Variants in TGFBRAP1 observed in about 807,000 individuals in gnomAD.
TGFBRAP1 encodes transforming growth factor beta receptor associated protein 1, also known as transforming growth factor-beta receptor-associated protein 1.
TGFBRAP1 carries 20 observed loss-of-function variants against 83.2 expected under a neutral mutation model. That is an observed-to-expected ratio of 0.24 (90% CI 0.17 to 0.35). The LOEUF is 0.35. Ranked by LOEUF, TGFBRAP1 falls within the 10% of genes least tolerant of loss-of-function variation. The probability of loss-of-function intolerance (pLI) is 1.00; values close to 1 mark genes in which losing one functional copy is unlikely to be tolerated. For synonymous variants in TGFBRAP1, 415 were observed against 459.8 expected (o/e 0.90, Z 1.25); for missense variants, 950 against 1,099.4 (o/e 0.86, Z 1.92).
chr2:105,310,204 T>C (rs1447689189), intron 1 of TGFBRAP1, among the ~76,000 whole-genome samples: 2 of 152,156 alleles, frequency 1.3e-5, no homozygotes, highest in Non-Finnish European at 1.5e-5. Flanking sequence ...TGACCTCATA[T>C]AAAATGCGGA....
At position 105,308,053 on chromosome 2, in the gene TGFBRAP1, A is replaced by G. The variant is rs2241801; in HGVS notation, c.249T>C (p.Arg83=). The change falls in exon 2 of 12, where the codon CGT becomes CGC. Residue 83 remains arginine, a synonymous_variant. Coordinates refer to ENST00000393359, the MANE Select transcript of TGFBRAP1 (RefSeq NM_004257.6). ...LGFKKPVNEL[R]AASALNRLLV... ...GCAGCCTGTTGAGTGCTGAGGCCGC[A>G]CGCAGCTCGTTCACGGGCTTCTTGA... 833,452 of 1,613,588 alleles carry G rather than the reference A, an allele frequency of 0.52. 219,168 individuals are homozygous for G. The highest frequency in any genetic ancestry group is 0.71 in the East Asian group (31,808 of 44,822).
At chr2:105,312,480 T>C (rs1018586736) in intron 1 of TGFBRAP1, among the ~76,000 whole-genome samples, 2 of 152,174 alleles carry the variant, frequency 1.3e-5, no homozygotes, top group African/African-American at 4.8e-5. Flanking sequence ...ACCTTGCATA[T>C]GCAGCAAGCA....
Position 105,266,518 on chromosome 2 carries a change from C to T in TGFBRAP1, c.*865G>A, listed in dbSNP as rs1199893583. 6.6e-6 allele frequency: 1 copy of T among 152,194 alleles called. No homozygotes were observed. Among genetic ancestry groups the T allele is most frequent in the African/African-American group, 2.4e-5 (1 of 41,442 alleles). The allele number at this position is 152,194 out of a possible 1,614,324, so 9.4% of individuals were successfully genotyped here. Reference sequence around the variant, plus strand: ...ATTTAAATAAAAATGTTTAGTTCAACGTGTTCGTCATGGAGTTTCAAATCA... The same window carrying T: ...ATTTAAATAAAAATGTTTAGTTCAATGTGTTCGTCATGGAGTTTCAAATCA... On this transcript the variant is annotated 3_prime_UTR_variant, in exon 12 of 12. Transcript: ENST00000393359.
intron 2 of TGFBRAP1, among the ~76,000 whole-genome samples, chr2:105,300,978 C>T (rs1316558462): frequency 6.6e-6 from 1 of 152,034 alleles, no homozygotes; most frequent in Admixed American, 6.6e-5. Context: ...AACCTCAACA[C>T]TTTGGGAGGC....
chr2:105,298,042 C>T (rs181375377), intron 3 of TGFBRAP1, among the ~76,000 whole-genome samples: 1 of 152,302 alleles, frequency 6.6e-6, no homozygotes, highest in African/African-American at 2.4e-5. Context: ...GCTGCAGCCT[C>T]AGCTCACGCT....
chr2:105,308,709 T>C (rs1035068634), intron 1 of TGFBRAP1, among the ~76,000 whole-genome samples: 3 of 151,884 alleles, frequency 2.0e-5, no homozygotes, highest in African/African-American at 7.3e-5. Flanking sequence ...GGCAGGAGGA[T>C]GGCTTGACCC....
chr2:105,294,114 A>C (rs1678003060), intron 4 of TGFBRAP1, among the ~76,000 whole-genome samples: 2 of 152,298 alleles, frequency 1.3e-5, no homozygotes, highest in South Asian at 4.1e-4. Context: ...CTGATCTGCC[A>C]TGTCTTGTCT....
chr2:105,262,411 C>T (rs1398887613), downstream of TGFBRAP1, among the ~76,000 whole-genome samples: 3 of 152,206 alleles, frequency 2.0e-5, no homozygotes, highest in African/African-American at 7.2e-5. Flanking sequence ...TCTGCTCCCC[C>T]TTGGCCTCCC....
intron 7 of TGFBRAP1, among the ~76,000 whole-genome samples, chr2:105,276,153 G>T (rs1458434444): frequency 6.6e-6 from 1 of 152,186 alleles, no homozygotes; most frequent in Admixed American, 6.5e-5. Flanking sequence ...GTGATAGGCA[G>T]ATGTTGTGCT....
In TGFBRAP1 at chr2:105,269,746, C is replaced by G; in HGVS notation, c.1973-41G>C. ...TGCAGCTCAGAAAGAAAGGGGCTCG[C>G]CGGCCACCCGCCCAGCGACTGGCCT... On this transcript the variant is annotated intron_variant, in intron 10 of 11. Coordinates refer to ENST00000393359, the MANE Select transcript of TGFBRAP1 (RefSeq NM_004257.6). This position sits in a 1 kb window ranked among gnomAD's most constrained non-coding sequence, Gnocchi z 4.1. The G allele has an allele frequency of 6.9e-7, 1 of 1,456,930 alleles. No individual in the cohort carries two copies. Among genetic ancestry groups the G allele is most frequent in the Non-Finnish European group, 9.0e-7 (1 of 1,107,720 alleles). 90.3% of individuals were successfully genotyped at this position (1,456,930 alleles called of 1,614,324 possible).
intron 2 of TGFBRAP1, 83 bp downstream of exon 2, chr2:105,307,531 A>G (rs1678542878): frequency 4.3e-6 from 6 of 1,393,592 alleles, no homozygotes; most frequent in Non-Finnish European, 4.9e-6. Context: ...TATTCTGCAC[A>G]GCGCCAATCT....
At chr2:105,270,385 G>A (rs770587018) in intron 10 of TGFBRAP1, among the ~76,000 whole-genome samples, 16 of 152,092 alleles carry the variant, frequency 1.1e-4, no homozygotes, top group Non-Finnish European at 2.4e-4. Flanking sequence ...AAGTCACCTT[G>A]CTTCCTACCC....
At chr2:105,290,928 C>A (rs1003553693) in intron 4 of TGFBRAP1, among the ~76,000 whole-genome samples, 1 of 152,080 alleles carries the variant, frequency 6.6e-6, no homozygotes, top group African/African-American at 2.4e-5. Context: ...ATCCCTTGAA[C>A]GCGGGAGGTG....
chr2:105,288,310 A>G (rs1677784213), intron 4 of TGFBRAP1, among the ~76,000 whole-genome samples: 1 of 152,208 alleles, frequency 6.6e-6, no homozygotes, highest in South Asian at 2.1e-4. Flanking sequence ...GCCAGTGCTG[A>G]GGACAGCACG....
intron 10 of TGFBRAP1, among the ~76,000 whole-genome samples, chr2:105,272,529 G>C (rs924164166): frequency 6.6e-6 from 1 of 152,118 alleles, no homozygotes; most frequent in Non-Finnish European, 1.5e-5. Context: ...TCCATCTCTA[G>C]AGGCACGAGA....
intron 4 of TGFBRAP1, among the ~76,000 whole-genome samples, chr2:105,290,240 T>C (rs1249793359): frequency 6.6e-6 from 1 of 152,190 alleles, no homozygotes; most frequent in African/African-American, 2.4e-5. Flanking sequence ...CTAATTTTTG[T>C]ATTTTTAGTA....
At chr2:105,263,761 C>T (rs1676841678), downstream of TGFBRAP1, among the ~76,000 whole-genome samples, 1 of 152,074 alleles carries the variant, frequency 6.6e-6, no homozygotes, top group Admixed American at 6.5e-5. Flanking sequence ...GGACGGGCAC[C>T]TGTAATCCCA....
intron 1 of TGFBRAP1, among the ~76,000 whole-genome samples, chr2:105,322,272 C>T (rs1335904070): frequency 1.3e-5 from 2 of 152,074 alleles, no homozygotes; most frequent in Non-Finnish European, 2.9e-5. Context: ...CATGTTATTA[C>T]AAAGAGTGAA....
chr2:105,284,450 C>G, intron 4 of TGFBRAP1, 52 bp from the exon 5 acceptor site: 1 of 1,561,602 alleles, frequency 6.4e-7, no homozygotes, highest in Non-Finnish European at 8.8e-7. Flanking sequence ...ACCATCACGG[C>G]AGGGTTAAAT....
Sources: gnomAD v4.1 joint callset for allele counts (sites outside exome capture counted in the v4.1 genomes callset) on GRCh38, gnomAD v4.1.1 for gene constraint, Gnocchi (gnomAD v3.1) non-coding constraint, MANE v1.5 for transcripts, NCBI Gene and HGNC (gene_info 2026-07-23, HGNC 2026-07-21) for gene names.